The following ITPKA variants were observed in gnomAD, a reference collection of about 807,000 sequenced individuals.
ITPKA encodes the protein inositol-trisphosphate 3-kinase A.
ITPKA carries 16 observed loss-of-function variants against 40.7 expected under a neutral mutation model. The observed-to-expected ratio is 0.39, with a 90% CI of 0.27 to 0.60. ITPKA has a LOEUF of 0.60. Among genes scored for constraint, ITPKA ranks in the 20% least tolerant of loss-of-function variants. The pLI, the probability that ITPKA is intolerant of heterozygous loss-of-function variation, is 0.50. For missense variants in ITPKA, 540 were observed against 649.3 expected, an observed-to-expected ratio of 0.83 and a Z score of 1.83; for synonymous variants, 313 against 289.9, an observed-to-expected ratio of 1.08 and a Z score of -0.81.
chr15:41,498,463 A>C (rs1453917364), intron 1 of ITPKA, among the ~76,000 whole-genome samples: 1 of 152,164 alleles, frequency 6.6e-6, no homozygotes, highest in Non-Finnish European at 1.5e-5. Flanking sequence ...CCATCAATCA[A>C]ATGGTAGTAG....
chr15:41,498,237 T>C (rs528603052), intron 1 of ITPKA, among the ~76,000 whole-genome samples: 88 of 147,872 alleles, frequency 6.0e-4, no homozygotes, highest in African/African-American at 2.1e-3. Flanking sequence ...ACCCTGGAAG[T>C]CCAGGATGCA....
chr15:41,500,146 A>G (rs1489863418), intron 1 of ITPKA, among the ~76,000 whole-genome samples: 3 of 152,150 alleles, frequency 2.0e-5, no homozygotes, highest in Non-Finnish European at 2.9e-5. Flanking sequence ...TTTTTAGTAG[A>G]GACGGGGTTT....
Position 41,501,447 on chromosome 15 carries a change from A to G in ITPKA, c.490-16A>G. 6.2e-7 allele frequency: 1 copy of G among 1,600,274 alleles called. No homozygotes were observed. Among genetic ancestry groups the G allele is most frequent in the Non-Finnish European group, 8.5e-7 (1 of 1,173,420 alleles). On this transcript the variant is annotated splice_polypyrimidine_tract_variant and intron_variant, in intron 1 of 6. Transcript: ENST00000260386. ...CCGAGACGCCGATTATCAGACCTTG[A>G]CCCTGTCGCTTTCAGAAAAACCACT...
chr15:41,497,417 G>A (rs2051081030), intron 1 of ITPKA, among the ~76,000 whole-genome samples: 1 of 152,134 alleles, frequency 6.6e-6, no homozygotes, highest in Non-Finnish European at 1.5e-5. Context: ...TAATAGAGAT[G>A]GGGTTTCACC....
intron 5 of ITPKA, 117 bp from the exon 6 acceptor site, chr15:41,502,671 G>A (rs980824921): frequency 1.9e-6 from 2 of 1,080,522 alleles, no homozygotes; most frequent in African/African-American, 3.2e-5. Context: ...CGGGGCCCTG[G>A]GTCCTCCTCC....
intron 1 of ITPKA, among the ~76,000 whole-genome samples, chr15:41,500,362 A>G (rs8024774): frequency 0.35 from 53,075 of 152,128 alleles, 9,494 homozygotes; most frequent in African/African-American, 0.38. Flanking sequence ...GGATAGCAAG[A>G]GAGGCTTGGA....
At chr15:41,502,892 GAGGGCT>G (rs1485070436) in intron 6 of ITPKA, 33 bp downstream of exon 6, 1 of 1,608,428 alleles carries the variant, frequency 6.2e-7, no homozygotes, top group South Asian at 1.1e-5. Context: ...CCCGGGCCGC[GAGGGCT>G]AGGGCGGGAA....
intron 1 of ITPKA, among the ~76,000 whole-genome samples, chr15:41,500,802 G>C (rs1174854847): frequency 6.6e-6 from 1 of 152,020 alleles, no homozygotes; most frequent in Non-Finnish European, 1.5e-5. Flanking sequence ...GAGATCAGGA[G>C]TTGGAGACCA....
Position 41,502,070 on chromosome 15 carries a change from C to G in ITPKA, c.877C>G (p.Leu293Val), listed in dbSNP as rs751480830. Residue 293 changes from leucine (L) to valine (V), a missense_variant, in exon 4 of 7, where the codon CTG becomes GTG. Leu to Val is a conservative substitution (Grantham distance 32, BLOSUM62 1). Coordinates refer to ENST00000260386, the MANE Select transcript of ITPKA (RefSeq NM_002220.3). Reference sequence around the variant, plus strand: ...GCGGAAGGACATGTACAAGAAAATGCTGGCGGTGGATCCTGAAGCTCCCAC... The same window carrying G: ...GCGGAAGGACATGTACAAGAAAATGGTGGCGGTGGATCCTGAAGCTCCCAC... ...KLRKDMYKKM[L>V]AVDPEAPTEE... 3.1e-6 allele frequency: 5 copies of G among 1,613,262 alleles called. No homozygotes were observed. Among genetic ancestry groups the G allele is most frequent in the Non-Finnish European group, 3.4e-6 (4 of 1,179,934 alleles).
chr15:41,501,960 C>T lies in ITPKA; in HGVS notation c.804-37C>T, dbSNP rs751059325. On this transcript the variant is annotated intron_variant, in intron 3 of 6. Coordinates refer to ENST00000260386, the MANE Select transcript of ITPKA (RefSeq NM_002220.3). ...GTGCTCGAAGGGGTCTCCGTGTGCG[C>T]CCCCTCATGCCCTGGCCGCTGCCTG... 5 of 1,595,478 alleles carry T rather than the reference C, an allele frequency of 3.1e-6. No individual in the cohort carries two copies. In the East Asian group the frequency reaches 6.7e-5, roughly 21 times the overall value.
At chr15:41,497,665 AATCCTGTCAT>A (rs1277170761) in intron 1 of ITPKA, among the ~76,000 whole-genome samples, 1 of 152,176 alleles carries the variant, frequency 6.6e-6, no homozygotes. Context: ...AGGGGGGCTA[AATCCTGTCAT>A]AGCAACCTCA....
At position 41,502,948 on chromosome 15, in the gene ITPKA, G is replaced by C. The variant is rs748127266; in HGVS notation, c.1183-15G>C. 2.5e-6 allele frequency: 4 copies of C among 1,596,974 alleles called. No homozygotes were observed. The South Asian group carries it at 4.5e-5, about 18-fold the overall frequency. On this transcript the variant is annotated splice_polypyrimidine_tract_variant and intron_variant, in intron 6 of 6. Coordinates refer to ENST00000260386, the MANE Select transcript of ITPKA (RefSeq NM_002220.3). ...CTCTGGGCAGGGCCGCGGCCTGACG[G>C]TGCGGGGCTCGCAGGTGATCGGCAG...
At chr15:41,497,229 G>A (rs2051079164) in intron 1 of ITPKA, among the ~76,000 whole-genome samples, 1 of 152,146 alleles carries the variant, frequency 6.6e-6, no homozygotes, top group Non-Finnish European at 1.5e-5. Context: ...TTTGCCTCAA[G>A]ATACCCAGGT....
rs893693007 is a variant in ITPKA, at chr15:41,501,846, C to T, written c.798C>T (p.Gly266=). The T allele has an allele frequency of 6.2e-7, 1 of 1,612,716 alleles. No homozygotes were observed. Residue 266 remains glycine (G), a synonymous_variant, in exon 3 of 7, where the codon GGC becomes GGT. Transcript: ENST00000260386. Reference sequence around the variant, plus strand: ...CTTGTGTGCTCGACTGCAAAATGGGCGTCAGGTATGCGTGCCCTGCCAGGT... The same window carrying T: ...CTTGTGTGCTCGACTGCAAAATGGGTGTCAGGTATGCGTGCCCTGCCAGGT... ...DGPCVLDCKM[G]VRTYLEEELT...
chr15:41,503,311 G>A lies in ITPKA; in HGVS notation c.*145G>A. ...CAGGACCAGGTGCCAGCCACTAAGG[G>A]GGGGCACCGCCGATGCCAGGGGTTT... On this transcript the variant is annotated 3_prime_UTR_variant, in exon 7 of 7. Coordinates refer to ENST00000260386, the MANE Select transcript of ITPKA (RefSeq NM_002220.3). The A allele has an allele frequency of 1.5e-6, 1 of 657,942 alleles. No homozygotes were observed. Among genetic ancestry groups the A allele is most frequent in the South Asian group, 1.9e-5 (1 of 51,308 alleles). The allele number at this position is 657,942 out of a possible 1,614,324, so 40.8% of individuals were successfully genotyped here. A position where few individuals can be genotyped will look rare whatever the true frequency, so the allele number is the denominator to read the frequency against.
At position 41,494,664 on chromosome 15, in the gene ITPKA, C is replaced by A. The variant is rs2051057588; in HGVS notation, c.489+248C>A. Among the ~76,000 whole-genome samples, 1 of 152,012 alleles carries A rather than the reference C, an allele frequency of 6.6e-6. No homozygotes were observed. The highest frequency in any genetic ancestry group is 1.5e-5 in the Non-Finnish European group (1 of 67,960). On this transcript the variant is annotated intron_variant, in intron 1 of 6. Transcript: ENST00000260386. The surrounding 1 kb of genome is among the most constrained non-coding windows in gnomAD (Gnocchi z 7.8). ...GGCGTCTAAGAAGCGGGGCGAGGAGCAGGCGACCCGCCGCGGGGACTGGGC... is the reference window on the plus strand; with the variant it reads ...GGCGTCTAAGAAGCGGGGCGAGGAGAAGGCGACCCGCCGCGGGGACTGGGC...
chr15:41,503,058 C>T lies in ITPKA; in HGVS notation c.1278C>T (p.Gly426=). ...DFGKTTPLPD[G]QILDHRRPWE... ...GCAAGACCACGCCCCTCCCCGATGG[C>T]CAGATCCTGGACCACCGGCGGCCCT... Residue 426 remains glycine (G), a synonymous_variant, in exon 7 of 7, where the codon GGC becomes GGT. Transcript: ENST00000260386. The T allele has an allele frequency of 6.2e-7, 1 of 1,610,188 alleles. No individual in the cohort carries two copies. Among genetic ancestry groups the T allele is most frequent in the Non-Finnish European group, 8.5e-7 (1 of 1,177,408 alleles).
chr15:41,501,438 C>G, intron 1 of ITPKA, 25 bp from the exon 2 acceptor site: 1 of 1,592,292 alleles, frequency 6.3e-7, no homozygotes, highest in Non-Finnish European at 8.6e-7. Context: ...CGCCGATTAT[C>G]AGACCTTGAC....
chr15:41,501,636 G>A lies in ITPKA; in HGVS notation c.588G>A (p.Gly196=). ...YAWVQLAGHT[G]SFKAAGTSGL... ...GCGCTGACGGATGCCGGTCCTCAGG[G>A]AGTTTTAAGGCGGCGGGCACCAGCG... The change falls in exon 3 of 7, where the codon GGG becomes GGA. Residue 196 remains glycine (G), a splice_region_variant and synonymous_variant. Transcript: ENST00000260386. 2 of 1,605,874 alleles carry A rather than the reference G, an allele frequency of 1.2e-6. No individual in the cohort carries two copies. Among genetic ancestry groups the A allele is most frequent in the African/African-American group, 1.3e-5 (1 of 74,898 alleles).
Sources: gnomAD v4.1 joint callset for allele counts (sites outside exome capture counted in the v4.1 genomes callset) on GRCh38, gnomAD v4.1.1 for gene constraint, Gnocchi (gnomAD v3.1) non-coding constraint, MANE v1.5 for transcripts, NCBI Gene and HGNC (gene_info 2026-07-23, HGNC 2026-07-21) for gene names.